NCAM1: variants seen among roughly 807,000 people sequenced by gnomAD.
NCAM1 encodes neural cell adhesion molecule 1.
NCAM1 carries 14 observed loss-of-function variants against 109.8 expected under a neutral mutation model. The observed-to-expected ratio is 0.13, with a 90% CI of 0.08 to 0.20. The LOEUF (loss-of-function observed/expected upper bound fraction) is 0.20. Among genes scored for constraint, NCAM1 ranks in the 10% least tolerant of loss-of-function variants. The pLI is 1.00. For missense variants in NCAM1, 774 were observed against 1,109.9 expected (o/e 0.70, Z 4.30); for synonymous variants, 418 against 442.9 (o/e 0.94, Z 0.70).
At chr11:113,162,557 C>G (rs1303924103) in intron 1 of NCAM1, among the ~76,000 whole-genome samples, 1 of 152,120 alleles carries the variant, frequency 6.6e-6, no homozygotes, top group Non-Finnish European at 1.5e-5. Context: ...AAAGCCAGCC[C>G]ATGATGTCAC....
At chr11:113,250,365 G>T (rs1555121049) in intron 15 of NCAM1, among the ~76,000 whole-genome samples, 1 of 152,198 alleles carries the variant, frequency 6.6e-6, no homozygotes, top group African/African-American at 2.4e-5. Context: ...TTTCAGGAAA[G>T]AGAATCAGTG....
At chr11:113,021,256 T>A (rs1952376547) in intron 1 of NCAM1, among the ~76,000 whole-genome samples, 1 of 152,212 alleles carries the variant, frequency 6.6e-6, no homozygotes, top group East Asian at 1.9e-4. Flanking sequence ...GATCATGAGT[T>A]AGCATGCTAT....
At chr11:112,991,467 A>T (rs1369660552) in intron 1 of NCAM1, among the ~76,000 whole-genome samples, 1 of 151,570 alleles carries the variant, frequency 6.6e-6, no homozygotes, top group Non-Finnish European at 1.5e-5. Flanking sequence ...CCACTAAGTG[A>T]TTTTTTGCTG....
chr11:112,971,434 A>G (rs1950879660), intron 1 of NCAM1, among the ~76,000 whole-genome samples: 2 of 151,834 alleles, frequency 1.3e-5, no homozygotes, highest in African/African-American at 2.4e-5. Flanking sequence ...TAGAAACTGA[A>G]TGGGTTGTGA....
intron 1 of NCAM1, among the ~76,000 whole-genome samples, chr11:113,157,254 T>G (rs2136318506): frequency 6.6e-6 from 1 of 152,180 alleles, no homozygotes; most frequent in South Asian, 2.1e-4. Flanking sequence ...AATGAATGGC[T>G]CAAAAGTCTA....
At chr11:113,048,739 G>A (rs1354841310) in intron 1 of NCAM1, among the ~76,000 whole-genome samples, 13 of 152,208 alleles carry the variant, frequency 8.5e-5, no homozygotes, top group Admixed American at 8.5e-4. Flanking sequence ...TACCAGCTCA[G>A]TGATCTCAGA....
chr11:113,050,768 C>G (rs1555081690), intron 1 of NCAM1, among the ~76,000 whole-genome samples: 1 of 152,186 alleles, frequency 6.6e-6, no homozygotes, highest in African/African-American at 2.4e-5. Context: ...CCAGGGCAGT[C>G]ACTTTCATAT....
intron 1 of NCAM1, among the ~76,000 whole-genome samples, chr11:113,058,954 C>T (rs1683056973): frequency 6.6e-6 from 1 of 152,166 alleles, no homozygotes; most frequent in African/African-American, 2.4e-5. Context: ...CTGTTATTGG[C>T]TATTTTTTTC....
intron 1 of NCAM1, among the ~76,000 whole-genome samples, chr11:113,157,773 G>C (rs1555103719): frequency 3.9e-5 from 6 of 151,974 alleles, no homozygotes; most frequent in Non-Finnish European, 4.4e-5. Context: ...AAAGTATCAA[G>C]AGGCGCTTTT....
chr11:113,072,441 C>CA (rs1429133645), intron 1 of NCAM1, among the ~76,000 whole-genome samples: 1 of 151,956 alleles, frequency 6.6e-6, no homozygotes, highest in African/African-American at 2.4e-5. Flanking sequence ...ACAGTGAAGA[C>CA]AGAGCATTTT....
At chr11:113,262,007 A>G (rs986857176) in intron 17 of NCAM1, among the ~76,000 whole-genome samples, 11 of 151,842 alleles carry the variant, frequency 7.2e-5, no homozygotes, top group African/African-American at 9.7e-5. Context: ...GGGCTGGGGG[A>G]TTGCTCACCT....
intron 9 of NCAM1, among the ~76,000 whole-genome samples, chr11:113,229,263 A>G (rs1238561536): frequency 1.3e-5 from 2 of 152,230 alleles, no homozygotes; most frequent in African/African-American, 4.8e-5. Context: ...CCCATCAAAA[A>G]GTGGGCAAAG....
chr11:113,150,610 A>G (rs782653909), intron 1 of NCAM1, among the ~76,000 whole-genome samples: 1 of 152,192 alleles, frequency 6.6e-6, no homozygotes, highest in Non-Finnish European at 1.5e-5. Context: ...TTTGTAACTC[A>G]TTTGGGGAGG....
rs186934722 is a variant in NCAM1 at position 113,018,059 on chromosome 11, G to T, written c.52+56395G>T. Reference sequence around the variant, plus strand: ...TTCCACTGGGCGAGGCATAGAAATCGAAATACTTCTGAGGTTTAGATCTTA... The same window carrying T: ...TTCCACTGGGCGAGGCATAGAAATCTAAATACTTCTGAGGTTTAGATCTTA... On this transcript the variant is annotated intron_variant, in intron 1 of 19. Coordinates refer to ENST00000316851, the MANE Select transcript of NCAM1 (RefSeq NM_181351.5). Among the ~76,000 whole-genome samples, 3 of 152,204 alleles carry T rather than the reference G, an allele frequency of 2.0e-5. No homozygotes were observed. In the East Asian group the frequency reaches 5.8e-4, roughly 29 times the overall value.
At chr11:113,028,033 G>T (rs979500781) in intron 1 of NCAM1, among the ~76,000 whole-genome samples, 12 of 152,176 alleles carry the variant, frequency 7.9e-5, no homozygotes, top group Admixed American at 7.2e-4. Context: ...GCGGTTACCA[G>T]AGGCTGGAGA....
At chr11:113,005,158 G>A (rs1425434461) in intron 1 of NCAM1, among the ~76,000 whole-genome samples, 3 of 151,620 alleles carry the variant, frequency 2.0e-5, no homozygotes, top group East Asian at 1.9e-4. Flanking sequence ...TTCATTCTCC[G>A]ATATCCTTTC....
intron 1 of NCAM1, among the ~76,000 whole-genome samples, chr11:113,100,203 T>G (rs2135852312): frequency 6.6e-6 from 1 of 152,268 alleles, no homozygotes; most frequent in South Asian, 2.1e-4. Flanking sequence ...TTCACAGAAC[T>G]TAGGACAGGG....
chr11:113,050,036 G>A (rs1249086005), intron 1 of NCAM1, among the ~76,000 whole-genome samples: 1 of 151,364 alleles, frequency 6.6e-6, no homozygotes, highest in Non-Finnish European at 1.5e-5. Context: ...CCTCGTGGCT[G>A]GTATGGCTGT....
intron 17 of NCAM1, among the ~76,000 whole-genome samples, chr11:113,260,874 G>A (rs962488729): frequency 4.6e-5 from 7 of 152,150 alleles, no homozygotes; most frequent in Non-Finnish European, 8.8e-5. Context: ...ACTTGTAATA[G>A]AACAAGTGGA....
Sources: gnomAD v4.1 joint callset for allele counts (sites outside exome capture counted in the v4.1 genomes callset) on GRCh38, gnomAD v4.1.1 for gene constraint, MANE v1.5 for transcripts, NCBI Gene and HGNC (gene_info 2026-07-23, HGNC 2026-07-21) for gene names.